DDX5: variants seen among roughly 807,000 people sequenced by gnomAD.
The protein encoded by DDX5 is probable ATP-dependent RNA helicase DDX5.
Under a neutral mutation model 68.6 loss-of-function variants are expected in DDX5, and 6 were observed. The observed-to-expected ratio is 0.09, with a 90% CI of 0.05 to 0.17. The LOEUF (loss-of-function observed/expected upper bound fraction) is 0.17. Among genes scored for constraint, DDX5 ranks in the 10% least tolerant of loss-of-function variants. The pLI is 1.00. For synonymous variants in DDX5, 350 were observed against 247.0 expected (o/e 1.42, Z -3.91); for missense variants, 499 against 756.1 (o/e 0.66, Z 3.99).
chr17:64,500,431 A>AT (rs2038269509), intron 12 of DDX5, 105 bp from the exon 13 acceptor site: 1 of 1,526,982 alleles, frequency 6.5e-7, no homozygotes, highest in African/African-American at 1.4e-5. Context: ...TGTTTTTACA[A>AT]TTTTTCAGCT....
intron 5 of DDX5, 22 bp downstream of exon 5, chr17:64,503,778 TAAA>T (rs1568104266): frequency 2.5e-6 from 4 of 1,602,250 alleles, no homozygotes; most frequent in African/African-American, 1.4e-5. Context: ...ATGCTTCTAA[TAAA>T]AAGTTAAAAA....
At chr17:64,504,888 C>T (rs6504237) in intron 1 of DDX5, 46 bp from the exon 2 acceptor site, 168,089 of 1,559,822 alleles carry the variant, frequency 0.11, 24,361 homozygotes, top group African/African-American at 0.71. Flanking sequence ...TGGCTATACC[C>T]AGGTTTCTGT....
At position 64,506,263 on chromosome 17, in the gene DDX5, C is replaced by G. The variant is rs1039815462; in HGVS notation, c.-144G>C. The stretch of plus-strand genomic sequence containing the variant: ...GATGACACCAGCCGAAGCTGCACTA[C>G]TAGAGACCGGTAGAAATGAATGAGG... On this transcript the variant is annotated 5_prime_UTR_variant, in exon 1 of 13. Coordinates refer to ENST00000225792, the MANE Select transcript of DDX5 (RefSeq NM_004396.5). 5.8e-6 allele frequency: 9 copies of G among 1,541,532 alleles called. No individual in the cohort carries two copies. The Admixed American group carries it at 7.9e-5, about 13-fold the overall frequency.
chr17:64,503,147 AAC>A (rs782193437), intron 7 of DDX5, 39 bp downstream of exon 7: 5 of 1,612,722 alleles, frequency 3.1e-6, no homozygotes, highest in Admixed American at 3.3e-5. Context: ...TAAGAGTGAA[AAC>A]ACAATTCAGT....
chr17:64,500,373 AATC>A, intron 12 of DDX5, 47 bp from the exon 13 acceptor site: 1 of 1,567,022 alleles, frequency 6.4e-7, no homozygotes, highest in African/African-American at 1.4e-5. Context: ...CTATGACACA[AATC>A]ATTGTGGACA....
At chr17:64,502,258 C>A in intron 9 of DDX5, 35 bp from the exon 10 acceptor site, 1 of 1,609,924 alleles carries the variant, frequency 6.2e-7, no homozygotes, top group Non-Finnish European at 8.5e-7. Context: ...ATTAAACTCA[C>A]ATTGAAAACC....
rs7216876 is a variant in DDX5, at chr17:64,505,904, C to T, written c.44+172G>A. 4,742 of 1,534,998 alleles carry T rather than the reference C, an allele frequency of 3.1e-3. 111 individuals carry two copies. The African/African-American group carries it at 0.058, about 19-fold the overall frequency. On this transcript the variant is annotated intron_variant, in intron 1 of 12. Transcript: ENST00000225792. The stretch of plus-strand genomic sequence containing the variant: ...TTGAAGACACTACACCGTCAAATCT[C>T]TTCCAATCACTGTGACGTGAATATC...
intron 1 of DDX5, 105 bp downstream of exon 1, chr17:64,505,971 C>G: frequency 6.5e-7 from 1 of 1,540,522 alleles, no homozygotes; most frequent in Non-Finnish European, 8.7e-7. Flanking sequence ...CCAAGATAGC[C>G]CGGAAAGGCC....
At chr17:64,505,945 T>C (rs1555672380) in intron 1 of DDX5, 131 bp downstream of exon 1, 9 of 1,536,010 alleles carry the variant, frequency 5.9e-6, no homozygotes, top group Non-Finnish European at 1.7e-6. Flanking sequence ...GGCGCAAGCC[T>C]TCGGGAAAGG....
chr17:64,505,927 A>G (rs905756952), intron 1 of DDX5, 149 bp downstream of exon 1: 5 of 1,534,292 alleles, frequency 3.3e-6, no homozygotes, highest in Admixed American at 2.0e-5. Context: ...TGACGTGAAT[A>G]TCAAAATGGC....
At position 64,499,912 on chromosome 17, in the gene DDX5, C is replaced by T. The variant is rs1269717596; in HGVS notation, c.*11G>A. ...TATGAAAAACAGACATTTACATATACTTCTAAAGTCTTATTGGGAATATCC... is the reference window on the plus strand; with the variant it reads ...TATGAAAAACAGACATTTACATATATTTCTAAAGTCTTATTGGGAATATCC... On this transcript the variant is annotated 3_prime_UTR_variant, in exon 13 of 13. Transcript: ENST00000225792. The T allele has an allele frequency of 3.2e-6, 5 of 1,566,308 alleles. No individual in the cohort carries two copies. The highest frequency in any genetic ancestry group is 1.4e-5 in the African/African-American group (1 of 73,732).
rs368011338 is a variant in DDX5 at position 64,506,145 on chromosome 17, G to C, written c.-26C>G. ...GGCGTCAATGGTTGCGGTTGGCGGGGAACGAAGTATATAGAAAAGCGTGCG... is the reference window on the plus strand; with the variant it reads ...GGCGTCAATGGTTGCGGTTGGCGGGCAACGAAGTATATAGAAAAGCGTGCG... On this transcript the variant is annotated 5_prime_UTR_variant, in exon 1 of 13. Coordinates refer to ENST00000225792, the MANE Select transcript of DDX5 (RefSeq NM_004396.5). The C allele has an allele frequency of 1.2e-6, 2 of 1,608,742 alleles. No homozygotes were observed. The highest frequency in any genetic ancestry group is 2.2e-5 in the East Asian group (1 of 44,730).
chr17:64,504,307 T>C lies in DDX5; in HGVS notation c.222A>G (p.Glu74=), dbSNP rs142239131. 1 of 1,613,810 alleles carries C rather than the reference T, an allele frequency of 6.2e-7. No homozygotes were observed. Among genetic ancestry groups the C allele is most frequent in the Non-Finnish European group, 8.5e-7 (1 of 1,179,924 alleles). The change falls in exon 3 of 13, where the codon GAA becomes GAG. Residue 74 remains glutamate, a synonymous_variant. Transcript: ENST00000225792. ...TAATTTCCTTGCTTCTTCTGTATGT[T>C]TCCACCTCTTGCTGCAAAACAAATT... The part of the protein sequence containing the change: ...DLARRTAQEV[E]TYRRSKEITV...
intron 8 of DDX5, 182 bp from the exon 9 acceptor site, chr17:64,502,731 T>C (rs1185012853): frequency 1.4e-6 from 1 of 725,996 alleles, no homozygotes; most frequent in Non-Finnish European, 2.2e-6. Context: ...AGGGGACACA[T>C]GAATTCCTTC....
chr17:64,504,558 T>C (rs1310195340), intron 2 of DDX5, 119 bp downstream of exon 2: 152 of 1,254,626 alleles, frequency 1.2e-4, no homozygotes, highest in Non-Finnish European at 1.5e-4. Flanking sequence ...TTCCCAATTA[T>C]GAAGTCAGAA....
chr17:64,502,456 T>C lies in DDX5; in HGVS notation c.1077A>G (p.Arg359=), dbSNP rs782016494. The C allele has an allele frequency of 1.2e-6, 2 of 1,613,132 alleles. No homozygotes were observed. The highest frequency in any genetic ancestry group is 1.1e-5 in the South Asian group (1 of 91,070). The change falls in exon 9 of 13, where the codon AGA becomes AGG. Residue 359 remains arginine (R), a synonymous_variant. Transcript: ENST00000225792. ...ETKRRCDELT[R]KMRRDGWPAM... is the part of the protein sequence containing the mutation. ...ACACATACCCATCTCTCCTCATTTT[T>C]CTGGTAAGCTCATCACATCTTCTTT...
In DDX5 at chr17:64,504,858, A is replaced by C. The variant is rs566133319; in HGVS notation, c.45-16T>G. ...TGCACCAAACCTGGAATGAAAAAAAACGTTATTCACATTTTCAAATGGCTA... is the reference window on the plus strand; with the variant it reads ...TGCACCAAACCTGGAATGAAAAAAACCGTTATTCACATTTTCAAATGGCTA... On this transcript the variant is annotated splice_polypyrimidine_tract_variant and intron_variant, in intron 1 of 12. Coordinates refer to ENST00000225792, the MANE Select transcript of DDX5 (RefSeq NM_004396.5). 89 of 1,588,760 alleles carry C rather than the reference A, an allele frequency of 5.6e-5. No homozygotes were observed. The South Asian group carries it at 1.0e-3, about 18-fold the overall frequency.
rs782687455 is a variant in DDX5 at position 64,501,998 on chromosome 17, GT to G, written c.1216+11del. ...CTGGGAAACCAAGCCATGAATGCGA[GT>G]TTGTACTAACCTAGCCCTCTGGAGG... On this transcript the variant is annotated intron_variant, in intron 11 of 12. Coordinates refer to ENST00000225792, the MANE Select transcript of DDX5 (RefSeq NM_004396.5). 1.2e-6 allele frequency: 2 copies of G among 1,613,580 alleles called. No homozygotes were observed. Among genetic ancestry groups the G allele is most frequent in the South Asian group, 2.2e-5 (2 of 90,948 alleles).
At position 64,506,139 on chromosome 17, in the gene DDX5, G is replaced by A. The variant is rs370978831; in HGVS notation, c.-20C>T. 1.1e-4 allele frequency: 184 copies of A among 1,609,422 alleles called. 1 individual carries two copies. In the South Asian group the frequency reaches 1.4e-3, roughly 12 times the overall value. On this transcript the variant is annotated 5_prime_UTR_variant, in exon 1 of 13. Coordinates refer to ENST00000225792, the MANE Select transcript of DDX5 (RefSeq NM_004396.5). ...CGACATGGCGTCAATGGTTGCGGTT[G>A]GCGGGGAACGAAGTATATAGAAAAG...
Sources: gnomAD v4.1 joint callset for allele counts on GRCh38, gnomAD v4.1.1 for gene constraint, MANE v1.5 for transcripts, NCBI Gene and HGNC (gene_info 2026-07-23, HGNC 2026-07-21) for gene names.